Variants in RPTOR observed in about 807,000 individuals in gnomAD.
RPTOR encodes the protein regulatory associated protein of MTOR complex 1, also known as regulatory-associated protein of mTOR.
A neutral mutation model predicts 169.9 loss-of-function variants in RPTOR; 21 were observed. The observed-to-expected ratio is 0.12, with a 90% CI of 0.09 to 0.18. The LOEUF (loss-of-function observed/expected upper bound fraction) is 0.18, where lower values mean the gene tolerates loss of function less well. Ranked by LOEUF, RPTOR falls within the 10% of genes least tolerant of loss-of-function variation. The pLI, the probability that RPTOR is intolerant of heterozygous loss-of-function variation, is 1.00. For missense variants in RPTOR, 1,133 were observed against 1,855.9 expected, an observed-to-expected ratio of 0.61 and a Z score of 7.16; for synonymous variants, 732 against 753.2, an observed-to-expected ratio of 0.97 and a Z score of 0.46.
intron 1 of RPTOR, among the ~76,000 whole-genome samples, chr17:80,555,289 C>G (rs551290944): frequency 2.0e-5 from 3 of 152,210 alleles, no homozygotes; most frequent in Non-Finnish European, 4.4e-5. Flanking sequence ...GGACTTGGAG[C>G]TGGGAGGATG....
Position 80,952,378 on chromosome 17 carries a change from G to A in RPTOR, c.3370+2831G>A, listed in dbSNP as rs183749761. On this transcript the variant is annotated intron_variant, in intron 28 of 33. Coordinates refer to ENST00000306801, the MANE Select transcript of RPTOR (RefSeq NM_020761.3). ...ACAGCACATCTGATCTGGTCACCAC[G>A]GGGATCCGTGGAGCCGCAGAGGTTT... 2.7e-3 allele frequency among the ~76,000 whole-genome samples: 405 copies of A among 152,320 alleles called. 1 individual carries two copies. Among genetic ancestry groups the A allele is most frequent in the African/African-American group, 9.5e-3 (394 of 41,564 alleles).
intron 6 of RPTOR, among the ~76,000 whole-genome samples, chr17:80,790,617 G>A (rs2067037983): frequency 6.6e-6 from 1 of 152,100 alleles, no homozygotes; most frequent in African/African-American, 2.4e-5. Context: ...ACCCTCCCCT[G>A]GGCCACTGTC....
At chr17:80,812,586 C>T (rs1039211907) in intron 7 of RPTOR, among the ~76,000 whole-genome samples, 3 of 152,148 alleles carry the variant, frequency 2.0e-5, no homozygotes, top group Non-Finnish European at 2.9e-5. Flanking sequence ...GCTGCTGGGT[C>T]CCTTTTTTGG....
In RPTOR at chr17:80,765,084, A is replaced by C. The variant is rs572109926; in HGVS notation, c.830+10899A>C. Among the ~76,000 whole-genome samples the C allele has an allele frequency of 3.3e-5, 5 of 152,380 alleles. No homozygotes were observed. In the East Asian group the frequency reaches 9.6e-4, roughly 29 times the overall value. ...CCTTAAAGAGCCAGGGGAAAAATGC[A>C]ATAAACAGATGAAAAACAAAATGAA... On this transcript the variant is annotated intron_variant, in intron 6 of 33. Coordinates refer to ENST00000306801, the MANE Select transcript of RPTOR (RefSeq NM_020761.3).
At chr17:80,613,172 C>T (rs1264944543) in intron 1 of RPTOR, among the ~76,000 whole-genome samples, 2 of 152,150 alleles carry the variant, frequency 1.3e-5, no homozygotes, top group African/African-American at 4.8e-5. Flanking sequence ...CCTGCCTCTG[C>T]TCCTGGCAGC....
chr17:80,726,403 G>A lies in RPTOR; in HGVS notation c.508-4157G>A, dbSNP rs905205656. 1.3e-5 allele frequency among the ~76,000 whole-genome samples: 2 copies of A among 152,212 alleles called. No homozygotes were observed. The highest frequency in any genetic ancestry group is 4.8e-5 in the African/African-American group (2 of 41,454). The stretch of plus-strand genomic sequence containing the variant: ...ATCACGGGGCGTGGAGGGAGAGACT[G>A]CCAGTGCTGTCCTAGTGCAGCAGTA... On this transcript the variant is annotated intron_variant, in intron 4 of 33. Coordinates refer to ENST00000306801, the MANE Select transcript of RPTOR (RefSeq NM_020761.3). This position sits in a 1 kb window ranked among gnomAD's most constrained non-coding sequence, Gnocchi z 4.5.
At chr17:80,886,822 G>A (rs923158076) in intron 17 of RPTOR, among the ~76,000 whole-genome samples, 39 of 152,340 alleles carry the variant, frequency 2.6e-4, no homozygotes, top group African/African-American at 8.7e-4. Flanking sequence ...CAGCTGTCTC[G>A]GGGATGCTGG....
intron 13 of RPTOR, among the ~76,000 whole-genome samples, chr17:80,869,023 T>C (rs2068023094): frequency 6.6e-6 from 1 of 152,206 alleles, no homozygotes; most frequent in Non-Finnish European, 1.5e-5. Context: ...GCTTCACAGG[T>C]GTAGACGTAC....
Position 80,923,540 on chromosome 17 carries a change from T to C in RPTOR, c.2675T>C (p.Val892Ala), listed in dbSNP as rs1349258367. The change falls in exon 23 of 34, where the codon GTG (valine) becomes GCG (alanine). Residue 892 changes from valine to alanine, a missense_variant. By Grantham distance (64) the Val-to-Ala change is moderately conservative (BLOSUM62 0). Coordinates refer to ENST00000306801, the MANE Select transcript of RPTOR (RefSeq NM_020761.3). ...AGCAGCTCCAGCCTGACCAACGATG[T>C]GGCCAAGCAGCCGGTCAGCCGAGAC... Reference protein sequence around the residue: ...STSSSSLTNDVAKQPVSRDLP... With the variant: ...STSSSSLTNDAAKQPVSRDLP... 6.2e-7 allele frequency: 1 copy of C among 1,613,332 alleles called. No homozygotes were observed. The highest frequency in any genetic ancestry group is 1.1e-5 in the South Asian group (1 of 91,080).
intron 3 of RPTOR, among the ~76,000 whole-genome samples, chr17:80,672,326 C>A (rs1360270090): frequency 1.3e-5 from 2 of 151,262 alleles, no homozygotes; most frequent in Non-Finnish European, 2.9e-5. Flanking sequence ...CATAGCAAGG[C>A]CTCGGGCTCC....
chr17:80,638,235 G>T (rs149333330), intron 2 of RPTOR, among the ~76,000 whole-genome samples: 13 of 152,282 alleles, frequency 8.5e-5, no homozygotes, highest in Middle Eastern at 6.8e-3. Flanking sequence ...TCTGAGGTCC[G>T]AGGGGCTGGG....
intron 6 of RPTOR, chr17:80,774,187 A>G (rs2066871401): frequency 3.0e-6 from 3 of 985,354 alleles, no homozygotes; most frequent in Non-Finnish European, 3.6e-6. Context: ...CTGGATGTCA[A>G]GCTGGTCCCG....
intron 7 of RPTOR, among the ~76,000 whole-genome samples, chr17:80,811,813 G>A (rs1178114434): frequency 3.7e-5 from 4 of 107,694 alleles, no homozygotes; most frequent in South Asian, 3.3e-4. Context: ...TCACTCCACC[G>A]GTGGGACACA....
At chr17:80,839,113 A>C (rs1379060938) in intron 10 of RPTOR, among the ~76,000 whole-genome samples, 1 of 152,172 alleles carries the variant, frequency 6.6e-6, no homozygotes, top group Admixed American at 6.5e-5. Flanking sequence ...CTTTTAACAC[A>C]TGCAGTCGGG....
intron 3 of RPTOR, among the ~76,000 whole-genome samples, chr17:80,655,360 A>G (rs1358999082): frequency 6.6e-6 from 1 of 152,146 alleles, no homozygotes; most frequent in Non-Finnish European, 1.5e-5. Flanking sequence ...TGCTGGGATT[A>G]TAGGTATGAG....
intron 1 of RPTOR, among the ~76,000 whole-genome samples, chr17:80,605,506 C>T (rs148022707): frequency 6.6e-6 from 1 of 152,196 alleles, no homozygotes; most frequent in East Asian, 1.9e-4. Context: ...GAAACCGTGT[C>T]TCAGTTCTGG....
intron 3 of RPTOR, among the ~76,000 whole-genome samples, chr17:80,668,065 G>A (rs1405306562): frequency 6.6e-6 from 1 of 152,124 alleles, no homozygotes; most frequent in Admixed American, 6.5e-5. Context: ...TCAGGCGCGG[G>A]CATCTAACCT....
chr17:80,564,822 C>G (rs2084557785), intron 1 of RPTOR, among the ~76,000 whole-genome samples: 1 of 152,132 alleles, frequency 6.6e-6, no homozygotes, highest in Non-Finnish European at 1.5e-5. Flanking sequence ...CATTTAGCTC[C>G]CACTTATAAG....
intron 1 of RPTOR, among the ~76,000 whole-genome samples, chr17:80,573,124 T>TG (rs2064925074): frequency 6.6e-6 from 1 of 152,220 alleles, no homozygotes; most frequent in Admixed American, 6.5e-5. Context: ...TTTATCCCAT[T>TG]GATCTGCTGG....
Sources: allele counts gnomAD v4.1 joint callset (sites outside exome capture counted in the v4.1 genomes callset), GRCh38; gene constraint gnomAD v4.1.1; non-coding constraint Gnocchi (gnomAD v3.1); transcripts MANE v1.5; gene names NCBI Gene and HGNC (gene_info 2026-07-23, HGNC 2026-07-21).